The following FNDC3A variants were observed in gnomAD, a reference collection of about 807,000 sequenced individuals.
The protein encoded by FNDC3A is fibronectin type-III domain-containing protein 3A.
FNDC3A carries 32 observed loss-of-function variants against 148.9 expected under a neutral mutation model. The ratio of observed to expected loss-of-function variants is 0.21; its 90% CI spans 0.16 to 0.29. The LOEUF is 0.29. FNDC3A is among the 10% of genes least tolerant of loss of function. The pLI, the probability that FNDC3A is intolerant of heterozygous loss-of-function variation, is 1.00. For missense variants in FNDC3A, 1,191 were observed against 1,452.8 expected, an observed-to-expected ratio of 0.82 and a Z score of 2.93; for synonymous variants, 472 against 473.6, an observed-to-expected ratio of 1.00 and a Z score of 0.04.
chr13:49,203,326 C>G (rs747050087), intron 25 of FNDC3A, 42 bp downstream of exon 25: 1 of 1,469,104 alleles, frequency 6.8e-7, no homozygotes, highest in Non-Finnish European at 9.3e-7. Flanking sequence ...TATTTTTACC[C>G]TTTTTTAATT....
At chr13:49,159,567 G>A (rs1010226686) in intron 8 of FNDC3A, among the ~76,000 whole-genome samples, 1 of 152,194 alleles carries the variant, frequency 6.6e-6, no homozygotes, top group Non-Finnish European at 1.5e-5. Context: ...TCTGCAGACA[G>A]GGACAATTTG....
chr13:49,187,991 A>G (rs980363461), intron 16 of FNDC3A, among the ~76,000 whole-genome samples: 2 of 152,330 alleles, frequency 1.3e-5, no homozygotes, highest in Middle Eastern at 3.4e-3. Flanking sequence ...AGATTTATAT[A>G]CAGATATATC....
chr13:49,150,903 C>T (rs1883250182), intron 8 of FNDC3A, among the ~76,000 whole-genome samples: 1 of 146,486 alleles, frequency 6.8e-6, no homozygotes, highest in African/African-American at 2.5e-5. Flanking sequence ...CAAGATGGCA[C>T]CACTGCACTC....
intron 2 of FNDC3A, among the ~76,000 whole-genome samples, chr13:49,026,088 C>A (rs746721134): frequency 2.0e-5 from 3 of 152,050 alleles, no homozygotes; most frequent in Non-Finnish European, 4.4e-5. Context: ...ATACTATATA[C>A]CAGTATTTTA....
At chr13:49,164,019 C>G (rs1183868504) in intron 8 of FNDC3A, among the ~76,000 whole-genome samples, 1 of 152,144 alleles carries the variant, frequency 6.6e-6, no homozygotes, top group Admixed American at 6.5e-5. Context: ...GATATTGTCC[C>G]TTTGTTCCAG....
At chr13:49,087,849 G>A (rs1878913908) in intron 3 of FNDC3A, among the ~76,000 whole-genome samples, 1 of 152,100 alleles carries the variant, frequency 6.6e-6, no homozygotes, top group South Asian at 2.1e-4. Flanking sequence ...TAAATTAAAT[G>A]AACATTTATG....
intron 8 of FNDC3A, among the ~76,000 whole-genome samples, chr13:49,156,259 C>G (rs1230137898): frequency 6.8e-6 from 1 of 148,132 alleles, no homozygotes; most frequent in African/African-American, 2.5e-5. Context: ...GAATTGATCC[C>G]TTTACCATTA....
intron 3 of FNDC3A, among the ~76,000 whole-genome samples, chr13:49,107,063 A>G (rs1392238566): frequency 1.3e-5 from 2 of 152,208 alleles, no homozygotes; most frequent in Non-Finnish European, 2.9e-5. Context: ...GAAGGAGCAC[A>G]TGGATGCAAC....
chr13:49,058,980 T>C (rs1566220498), intron 2 of FNDC3A, among the ~76,000 whole-genome samples: 1 of 152,228 alleles, frequency 6.6e-6, no homozygotes, highest in Non-Finnish European at 1.5e-5. Flanking sequence ...TTCTAAATAC[T>C]GCACCCCTTA....
intron 2 of FNDC3A, among the ~76,000 whole-genome samples, chr13:49,042,149 C>T (rs894857088): frequency 6.6e-6 from 1 of 152,044 alleles, no homozygotes; most frequent in Non-Finnish European, 1.5e-5. Flanking sequence ...TTTAATATTC[C>T]CCTAAATACA....
At chr13:49,167,666 A>G (rs1214798354) in intron 9 of FNDC3A, among the ~76,000 whole-genome samples, 2 of 152,090 alleles carry the variant, frequency 1.3e-5, no homozygotes, top group African/African-American at 4.8e-5. Context: ...TGATTGTGCC[A>G]TTGTATTCCA....
At chr13:49,198,301 C>T (rs1342201864) in intron 22 of FNDC3A, 36 bp downstream of exon 22, 8 of 1,611,094 alleles carry the variant, frequency 5.0e-6, no homozygotes, top group Non-Finnish European at 6.8e-6. Flanking sequence ...TTTGCCTAGA[C>T]CAGAGAGACG....
At chr13:49,162,502 A>G (rs548454141) in intron 8 of FNDC3A, among the ~76,000 whole-genome samples, 1 of 152,224 alleles carries the variant, frequency 6.6e-6, no homozygotes, top group South Asian at 2.1e-4. Context: ...CTAGTTAGCC[A>G]TTCGTCTAAT....
intron 4 of FNDC3A, among the ~76,000 whole-genome samples, chr13:49,124,133 C>T (rs1014758158): frequency 2.0e-5 from 3 of 152,142 alleles, no homozygotes; most frequent in Non-Finnish European, 1.5e-5. Context: ...AAATGTGGTG[C>T]ATATACACCA....
At chr13:49,074,506 C>T (rs1593553236) in intron 2 of FNDC3A, among the ~76,000 whole-genome samples, 1 of 152,124 alleles carries the variant, frequency 6.6e-6, no homozygotes, top group East Asian at 1.9e-4. Flanking sequence ...CAGCATTGTT[C>T]ACAATAATGG....
At chr13:49,187,729 C>T in intron 16 of FNDC3A, 3 of 1,191,774 alleles carry the variant, frequency 2.5e-6, no homozygotes, top group Admixed American at 1.9e-5. Flanking sequence ...AATGGCGGCA[C>T]CTCACCAAGA....
At chr13:49,152,510 TTGG>T (rs1008992676) in intron 8 of FNDC3A, among the ~76,000 whole-genome samples, 3 of 136,418 alleles carry the variant, frequency 2.2e-5, no homozygotes. Flanking sequence ...AAAAAATTGT[TTGG>T]TTTTTTTTTA....
At chr13:49,063,676 A>G (rs975843630) in intron 2 of FNDC3A, among the ~76,000 whole-genome samples, 3 of 152,218 alleles carry the variant, frequency 2.0e-5, no homozygotes, top group Non-Finnish European at 2.9e-5. Flanking sequence ...CAGGAACAAA[A>G]TATCTTTAAA....
rs754129361 is a variant in FNDC3A at position 49,198,510 on chromosome 13, A to T, written c.2923A>T (p.Thr975Ser). ...QNLKLKWGEG[T>S]PKTLSTDSIQ... ...CCTTAAGCTGAAATGGGGAGAAGGA[A>T]CTCCAAAGACATTGTCAACCGATTC... The change falls in exon 23 of 26, where the codon ACT (threonine) becomes TCT (serine). Residue 975 changes from threonine to serine, a missense_variant. This residue lies in a region of FNDC3A where 751 missense variants were observed against 944.0 expected (regional missense o/e 0.80). Coordinates refer to ENST00000492622, the MANE Select transcript of FNDC3A (RefSeq NM_001079673.2). 4.5e-5 allele frequency: 73 copies of T among 1,614,052 alleles called. 2 individuals carry two copies. The South Asian group carries it at 7.1e-4, about 16-fold the overall frequency.
Sources: allele counts gnomAD v4.1 joint callset (sites outside exome capture counted in the v4.1 genomes callset), GRCh38; gene constraint gnomAD v4.1.1; regional missense constraint gnomAD v4.1.1; transcripts MANE v1.5; gene names NCBI Gene and HGNC (gene_info 2026-07-23, HGNC 2026-07-21).